The following TG variants were observed in gnomAD, a reference collection of about 807,000 sequenced individuals.
The protein encoded by TG is thyroglobulin.
Under a neutral mutation model 324.7 loss-of-function variants are expected in TG, and 270 were observed. The ratio of observed to expected loss-of-function variants is 0.83; its 90% CI spans 0.75 to 0.92. The LOEUF is 0.92. Ranked by LOEUF, TG falls within the 40% of genes least tolerant of loss-of-function variation. TG has a pLI of 0.00. For synonymous variants in TG, 1,401 were observed against 1,327.0 expected, an observed-to-expected ratio of 1.06 and a Z score of -1.21; for missense variants, 3,591 against 3,456.4, an observed-to-expected ratio of 1.04 and a Z score of -0.98.
At chr8:132,960,843 G>A (rs1827644202) in intron 27 of TG, among the ~76,000 whole-genome samples, 165 bp from the exon 28 acceptor site, 1 of 152,164 alleles carries the variant, frequency 6.6e-6, no homozygotes, top group South Asian at 2.1e-4. Context: ...GTACTAGGGA[G>A]CTGGAATAGA....
intron 40 of TG, among the ~76,000 whole-genome samples, chr8:133,024,594 G>T (rs1366832574): frequency 1.3e-5 from 2 of 148,316 alleles, no homozygotes; most frequent in Non-Finnish European, 3.0e-5. Context: ...GGTGTGTGTT[G>T]TTTCCCCTCC....
intron 35 of TG, among the ~76,000 whole-genome samples, chr8:132,998,507 A>G (rs909151494): frequency 2.6e-5 from 4 of 152,196 alleles, no homozygotes; most frequent in Admixed American, 2.0e-4. Flanking sequence ...AAGAGAGCCC[A>G]TTGGGTTAGT....
chr8:133,047,177 C>CT (rs1258833727), intron 41 of TG: 4 of 152,192 alleles, frequency 2.6e-5, no homozygotes, highest in African/African-American at 9.7e-5. Flanking sequence ...GGGACCCTTG[C>CT]TTTGCATCAT....
At chr8:133,007,656 A>C (rs1022270986) in intron 35 of TG, among the ~76,000 whole-genome samples, 7 of 152,156 alleles carry the variant, frequency 4.6e-5, no homozygotes, top group African/African-American at 1.7e-4. Flanking sequence ...TTAATTTATA[A>C]TTTTGGACTA....
intron 31 of TG, among the ~76,000 whole-genome samples, chr8:132,968,934 C>T (rs1228435345): frequency 1.3e-5 from 2 of 152,162 alleles, no homozygotes; most frequent in African/African-American, 4.8e-5. Context: ...CTGATGCACC[C>T]AAGAGATCCT....
intron 41 of TG, among the ~76,000 whole-genome samples, chr8:133,082,135 C>T (rs10100508): frequency 0.26 from 39,023 of 152,076 alleles, 5,314 homozygotes; most frequent in African/African-American, 0.31. Context: ...GTGTACGGTG[C>T]TGGTGTTGGT....
rs1358260635 is a variant in TG at position 132,887,533 on chromosome 8, G to A, written c.2161G>A (p.Gly721Arg). 3 of 1,614,204 alleles carry A rather than the reference G, an allele frequency of 1.9e-6. No individual in the cohort carries two copies. The highest frequency in any genetic ancestry group is 2.5e-6 in the Non-Finnish European group (3 of 1,180,038). Residue 721 changes from glycine to arginine, a missense_variant, in exon 9 of 48, where the codon GGG (glycine) becomes AGG (arginine). Transcript: ENST00000220616. ...QAIPGTRSAI[G>R]KPKKCPTPCQ... is the part of the protein sequence containing the mutation. ...CATTCCTGGAACTCGAAGTGCAATA[G>A]GGAAGCCCAAGAAATGTAAGTCTGT...
chr8:132,946,796 G>A (rs1403480), intron 26 of TG, among the ~76,000 whole-genome samples: 1 of 151,932 alleles, frequency 6.6e-6, no homozygotes, highest in Non-Finnish European at 1.5e-5. Context: ...AAGCTAAGCT[G>A]GCAATGTATG....
At chr8:133,002,646 G>A in intron 35 of TG, 1 of 217,180 alleles carries the variant, frequency 4.6e-6, no homozygotes. Flanking sequence ...AGCAGCTCTG[G>A]CCTTTCCCAC....
intron 44 of TG, 90 bp from the exon 45 acceptor site, chr8:133,116,519 G>C: frequency 8.1e-7 from 1 of 1,238,164 alleles, no homozygotes; most frequent in Non-Finnish European, 1.2e-6. Flanking sequence ...GGGGGCCCAG[G>C]GGGCCCCTTG....
Position 132,911,468 on chromosome 8 carries a change from A to C in TG, c.4094A>C (p.Asn1365Thr). 1.9e-6 allele frequency: 3 copies of C among 1,614,172 alleles called. No homozygotes were observed. In the South Asian group the frequency reaches 3.3e-5, roughly 18 times the overall value. ...GCLTRERLGV[N>T]VTWKSRLEDI... is the part of the protein sequence containing the mutation. ...CTGACCAGGGAGCGTTTAGGAGTGA[A>C]TGTTACATGGAAATCACGGCTTGAG... Residue 1365 changes from asparagine (N) to threonine (T), a missense_variant, in exon 19 of 48, where the codon AAT becomes ACT. Transcript: ENST00000220616.
At chr8:133,128,337 GCACACACACACACACACACACA>G (rs59451880) in intron 45 of TG, among the ~76,000 whole-genome samples, 1 of 133,728 alleles carries the variant, frequency 7.5e-6, no homozygotes, top group African/African-American at 2.7e-5. Flanking sequence ...CAAAAGGCGT[GCACACACACACACACACACACA>G]CACACACACA....
intron 41 of TG, chr8:133,059,082 T>C: frequency 2.2e-6 from 1 of 456,318 alleles, no homozygotes. Flanking sequence ...CGCAGGAACC[T>C]GGCTCAGTCC....
At chr8:133,007,303 T>G (rs1255070531) in intron 35 of TG, among the ~76,000 whole-genome samples, 1 of 152,182 alleles carries the variant, frequency 6.6e-6, no homozygotes, top group Non-Finnish European at 1.5e-5. Flanking sequence ...TTTGTAAGTT[T>G]TTTTAATGTG....
chr8:133,133,303 C>G, intron 46 of TG, 167 bp from the exon 47 acceptor site: 1 of 732,948 alleles, frequency 1.4e-6, no homozygotes, highest in Non-Finnish European at 2.4e-6. Flanking sequence ...GCAGTGCAGT[C>G]AAGATCACAA....
chr8:133,108,989 T>A (rs560766009), intron 43 of TG, among the ~76,000 whole-genome samples: 1 of 152,350 alleles, frequency 6.6e-6, no homozygotes, highest in African/African-American at 2.4e-5. Flanking sequence ...TGTTAATAAT[T>A]CATGCAATAG....
chr8:132,868,658 G>C (rs1839195354), intron 2 of TG, among the ~76,000 whole-genome samples: 1 of 152,162 alleles, frequency 6.6e-6, no homozygotes, highest in Non-Finnish European at 1.5e-5. Flanking sequence ...CTAGTCCTTA[G>C]CTGCCACCGA....
intron 26 of TG, among the ~76,000 whole-genome samples, chr8:132,945,194 A>G (rs377227735): frequency 2.6e-5 from 4 of 152,190 alleles, no homozygotes; most frequent in African/African-American, 9.7e-5. Flanking sequence ...GTAGATGCAG[A>G]GATGAGTTAG....
chr8:132,942,871 G>C (rs2739072), intron 26 of TG, among the ~76,000 whole-genome samples: 76,890 of 151,992 alleles, frequency 0.51, 21,240 homozygotes, highest in Non-Finnish European at 0.61. Flanking sequence ...CAGAGTGGGA[G>C]GATTTGGTTC....
Sources: allele counts gnomAD v4.1 joint callset (sites outside exome capture counted in the v4.1 genomes callset), GRCh38; gene constraint gnomAD v4.1.1; transcripts MANE v1.5; gene names NCBI Gene and HGNC (gene_info 2026-07-23, HGNC 2026-07-21).